The following UBE4A variants were observed in gnomAD, a reference collection of about 807,000 sequenced individuals.
UBE4A encodes the protein ubiquitination factor E4A.
In UBE4A, 48 loss-of-function variants were observed where a neutral mutation model predicts 117.9. The ratio of observed to expected loss-of-function variants is 0.41; its 90% CI spans 0.32 to 0.52. UBE4A has a LOEUF of 0.52. UBE4A is among the 20% of genes least tolerant of loss of function. The pLI, the probability that UBE4A is intolerant of heterozygous loss-of-function variation, is 0.33. For synonymous variants in UBE4A, 407 were observed against 450.0 expected (o/e 0.90, Z 1.21); for missense variants, 1,067 against 1,296.3 (o/e 0.82, Z 2.72).
rs1555130288 is a variant in UBE4A at position 118,398,724 on chromosome 11, T to A, written c.*2284T>A. ...CTCTTTTACTCAGCTCTGGTATTGC[T>A]CATAACTTACCAAGAGGCTAATACT... On this transcript the variant is annotated 3_prime_UTR_variant, in exon 20 of 20. Coordinates refer to ENST00000252108, the MANE Select transcript of UBE4A (RefSeq NM_001204077.2). 1 of 164,222 alleles carries A rather than the reference T, an allele frequency of 6.1e-6. No individual in the cohort carries two copies. Among genetic ancestry groups the A allele is most frequent in the East Asian group, 1.8e-4 (1 of 5,684 alleles). 10.2% of individuals were successfully genotyped at this position (164,222 alleles called of 1,614,324 possible).
intron 19 of UBE4A, among the ~76,000 whole-genome samples, chr11:118,395,006 A>C (rs1282362531): frequency 1.3e-5 from 2 of 152,032 alleles, no homozygotes; most frequent in African/African-American, 4.8e-5. Flanking sequence ...CTTTGACCCA[A>C]AGTTAAGGAA....
At chr11:118,373,014 G>A in intron 6 of UBE4A, 72 bp from the exon 7 acceptor site, 1 of 1,249,770 alleles carries the variant, frequency 8.0e-7, no homozygotes, top group Non-Finnish European at 1.1e-6. Context: ...ATTATTGAAA[G>A]TAAAGAGCTA....
rs140468673 is a variant in UBE4A, at chr11:118,388,389, G to A, written c.2588-1336G>A. ...CGATAGGCCAGGCACGGTGGCTCACGCCTGTAATCCCAGCACTTTGGGAGG... is the reference window on the plus strand; with the variant it reads ...CGATAGGCCAGGCACGGTGGCTCACACCTGTAATCCCAGCACTTTGGGAGG... On this transcript the variant is annotated intron_variant, in intron 16 of 19. Transcript: ENST00000252108. Among the ~76,000 whole-genome samples, 975 of 152,126 alleles carry A rather than the reference G, an allele frequency of 6.4e-3. 10 individuals carry two copies. Among genetic ancestry groups the A allele is most frequent in the African/African-American group, 0.022 (899 of 41,494 alleles).
At chr11:118,374,085 G>C (rs977445118) in intron 8 of UBE4A, among the ~76,000 whole-genome samples, 1 of 151,862 alleles carries the variant, frequency 6.6e-6, no homozygotes, top group Non-Finnish European at 1.5e-5. Flanking sequence ...TCACGCTCCG[G>C]CCTGGATGAC....
intron 19 of UBE4A, among the ~76,000 whole-genome samples, chr11:118,393,245 C>T (rs770914036): frequency 1.3e-5 from 2 of 152,004 alleles, no homozygotes; most frequent in African/African-American, 2.4e-5. Context: ...GGTAAAACCC[C>T]GTCTCTACTA....
intron 1 of UBE4A, among the ~76,000 whole-genome samples, chr11:118,363,212 C>T (rs1476707349): frequency 4.0e-5 from 6 of 151,734 alleles, no homozygotes; most frequent in African/African-American, 1.5e-4. Context: ...CCTTTTTTTG[C>T]ATTATTAAGC....
intron 17 of UBE4A, 33 bp downstream of exon 17, chr11:118,389,938 G>A (rs782353703): frequency 5.3e-6 from 8 of 1,500,224 alleles, no homozygotes; most frequent in Non-Finnish European, 7.2e-6. Flanking sequence ...AAGCCAGAGG[G>A]GATGCTGTTT....
At chr11:118,367,717 C>G (rs997845209) in intron 2 of UBE4A, among the ~76,000 whole-genome samples, 1 of 151,982 alleles carries the variant, frequency 6.6e-6, no homozygotes. Flanking sequence ...CCAGGATGGT[C>G]TCAATCTCCT....
intron 2 of UBE4A, among the ~76,000 whole-genome samples, chr11:118,366,468 A>G (rs560101807): frequency 6.6e-5 from 10 of 152,316 alleles, no homozygotes; most frequent in African/African-American, 2.4e-4. Flanking sequence ...AAACAGACAT[A>G]AATCTGGCTA....
intron 16 of UBE4A, among the ~76,000 whole-genome samples, chr11:118,387,912 A>G (rs1401806690): frequency 1.3e-5 from 2 of 152,192 alleles, no homozygotes; most frequent in Admixed American, 1.3e-4. Context: ...CCTGTAGAGC[A>G]AGCAGTCCAG....
chr11:118,391,666 C>T (rs1360558366), intron 18 of UBE4A, among the ~76,000 whole-genome samples: 2 of 151,662 alleles, frequency 1.3e-5, no homozygotes, highest in Non-Finnish European at 2.9e-5. Flanking sequence ...TGGTGGCAGG[C>T]ACCTGTAGTC....
intron 16 of UBE4A, among the ~76,000 whole-genome samples, chr11:118,387,976 C>G (rs1948774978): frequency 6.6e-6 from 1 of 152,068 alleles, no homozygotes; most frequent in African/African-American, 2.4e-5. Context: ...AATTAATCAG[C>G]AGCTGGAAAT....
At chr11:118,375,349 G>A in intron 9 of UBE4A, 120 bp downstream of exon 9, 1 of 1,056,168 alleles carries the variant, frequency 9.5e-7, no homozygotes, top group South Asian at 2.3e-5. Flanking sequence ...GCAGAAACGA[G>A]CTATTTCGAT....
chr11:118,373,794 A>C (rs1207334781), intron 8 of UBE4A, 109 bp downstream of exon 8: 9 of 1,330,862 alleles, frequency 6.8e-6, no homozygotes, highest in Non-Finnish European at 9.0e-6. Flanking sequence ...AAATTGATCT[A>C]GTTGGCTTTT....
chr11:118,371,775 G>A, intron 5 of UBE4A, 109 bp downstream of exon 5: 1 of 1,185,296 alleles, frequency 8.4e-7, no homozygotes, highest in South Asian at 2.0e-5. Context: ...GTCATAGTAT[G>A]TCTAGAAGTG....
intron 9 of UBE4A, among the ~76,000 whole-genome samples, chr11:118,375,651 GC>G (rs1297229920): frequency 6.6e-6 from 1 of 151,588 alleles, no homozygotes; most frequent in African/African-American, 2.4e-5. Flanking sequence ...GAGCCACCAC[GC>G]CCAGCCAGAA....
At chr11:118,375,278 C>T (rs534619004) in intron 9 of UBE4A, 49 bp downstream of exon 9, 6 of 1,445,546 alleles carry the variant, frequency 4.2e-6, no homozygotes, top group African/African-American at 1.4e-5. Context: ...GTGTGTGTAA[C>T]GTGTAAAGCA....
intron 2 of UBE4A, 105 bp downstream of exon 2, chr11:118,365,306 A>G: frequency 2.8e-6 from 4 of 1,413,986 alleles, no homozygotes; most frequent in Non-Finnish European, 3.7e-6. Context: ...TAAGTTTGGA[A>G]CAAAAGTTGG....
At chr11:118,393,260 A>G (rs1948836093) in intron 19 of UBE4A, among the ~76,000 whole-genome samples, 1 of 152,188 alleles carries the variant, frequency 6.6e-6, no homozygotes, top group South Asian at 2.1e-4. Flanking sequence ...CTACTAAAAT[A>G]CAAAAAATTA....
Sources: gnomAD v4.1 joint callset for allele counts (sites outside exome capture counted in the v4.1 genomes callset) on GRCh38, gnomAD v4.1.1 for gene constraint, MANE v1.5 for transcripts, NCBI Gene and HGNC (gene_info 2026-07-23, HGNC 2026-07-21) for gene names.